The following ANKS1A variants were observed in gnomAD, a reference collection of about 807,000 sequenced individuals.
The protein encoded by ANKS1A is ankyrin repeat and sterile alpha motif domain containing 1A, also known as ankyrin repeat and SAM domain-containing protein 1A.
Under a neutral mutation model 120.3 loss-of-function variants are expected in ANKS1A, and 55 were observed. That is an observed-to-expected ratio of 0.46 (90% confidence interval 0.37 to 0.57). ANKS1A has a LOEUF of 0.57. ANKS1A is among the 20% of genes least tolerant of loss of function. The probability of loss-of-function intolerance (pLI) is 0.00; values close to 1 mark genes in which losing one functional copy is unlikely to be tolerated. For synonymous variants in ANKS1A, 590 were observed against 604.7 expected, an observed-to-expected ratio of 0.98 and a Z score of 0.36; for missense variants, 1,123 against 1,480.3, an observed-to-expected ratio of 0.76 and a Z score of 3.96.
chr6:35,093,567 A>G (rs753313709), downstream of ANKS1A, among the ~76,000 whole-genome samples: 8 of 152,224 alleles, frequency 5.3e-5, no homozygotes, highest in Non-Finnish European at 7.3e-5. Context: ...AACAATGGAA[A>G]ACTAACATGT....
At chr6:34,894,738 G>A (rs1039575806) in intron 1 of ANKS1A, among the ~76,000 whole-genome samples, 1 of 152,146 alleles carries the variant, frequency 6.6e-6, no homozygotes, top group Non-Finnish European at 1.5e-5. Context: ...ACTAAATACT[G>A]ATGTATATGA....
intron 3 of ANKS1A, among the ~76,000 whole-genome samples, chr6:34,978,532 G>A (rs190498825): frequency 2.7e-4 from 41 of 152,228 alleles, no homozygotes; most frequent in African/African-American, 8.7e-4. Context: ...CCTGCGAGGC[G>A]CGGTAGCTCA....
At chr6:35,079,147 C>T (rs1777523766) in intron 14 of ANKS1A, among the ~76,000 whole-genome samples, 1 of 152,206 alleles carries the variant, frequency 6.6e-6, no homozygotes, top group Non-Finnish European at 1.5e-5. Flanking sequence ...GTCCCTTCTA[C>T]CTGTCCAGAG....
At chr6:35,032,894 A>G (rs1774980206) in intron 11 of ANKS1A, among the ~76,000 whole-genome samples, 1 of 152,222 alleles carries the variant, frequency 6.6e-6, no homozygotes, top group Non-Finnish European at 1.5e-5. Context: ...TTTCTCACTT[A>G]ATAAATTAAT....
intron 2 of ANKS1A, among the ~76,000 whole-genome samples, chr6:34,969,797 G>GA (rs1771088517): frequency 2.0e-5 from 3 of 152,196 alleles, no homozygotes; most frequent in Non-Finnish European, 4.4e-5. Flanking sequence ...TGATGAGTCA[G>GA]CATAGCATGG....
intron 1 of ANKS1A, among the ~76,000 whole-genome samples, chr6:34,938,588 T>C (rs1243937249): frequency 6.6e-6 from 1 of 152,266 alleles, no homozygotes; most frequent in Non-Finnish European, 1.5e-5. Flanking sequence ...CTTTTACTTT[T>C]TACTTAAGTT....
intron 11 of ANKS1A, chr6:35,023,703 C>A: frequency 2.8e-6 from 1 of 351,682 alleles, no homozygotes; most frequent in Non-Finnish European, 5.7e-6. Context: ...AGAGATTCGA[C>A]CAATTAGCGT....
At chr6:34,984,847 A>G (rs1224198918) in intron 7 of ANKS1A, among the ~76,000 whole-genome samples, 1 of 152,222 alleles carries the variant, frequency 6.6e-6, no homozygotes, top group Non-Finnish European at 1.5e-5. Context: ...GGTATCTCTT[A>G]TAGATGTCAA....
rs1176065143 is a variant in ANKS1A at position 35,060,041 on chromosome 6, G to T, written c.2078-106G>T. On this transcript the variant is annotated intron_variant, in intron 12 of 23. Coordinates refer to ENST00000360359, the MANE Select transcript of ANKS1A (RefSeq NM_015245.3). The surrounding 1 kb of genome is among the most constrained non-coding windows in gnomAD (Gnocchi z 4.5). ...TTGTATATAGTTTGGCTGTTTGATG[G>T]TAATGACTATGATGTGGCAATGCCA... is the stretch of plus-strand genomic sequence containing the variant. 2 of 864,620 alleles carry T rather than the reference G, an allele frequency of 2.3e-6. No homozygotes were observed. Among genetic ancestry groups the T allele is most frequent in the East Asian group, 2.7e-5 (1 of 36,596 alleles). 53.6% of individuals were successfully genotyped at this position (864,620 alleles called of 1,614,324 possible).
chr6:35,080,486 C>T (rs1415382683), intron 16 of ANKS1A, among the ~76,000 whole-genome samples: 2 of 152,250 alleles, frequency 1.3e-5, no homozygotes, highest in Non-Finnish European at 2.9e-5. Flanking sequence ...CTCGGGTGCA[C>T]TGGGCCTGCC....
intron 1 of ANKS1A, among the ~76,000 whole-genome samples, chr6:34,912,101 A>G (rs888228976): frequency 6.6e-6 from 1 of 152,256 alleles, no homozygotes; most frequent in Non-Finnish European, 1.5e-5. Flanking sequence ...GTTCAGTGTC[A>G]GGATGAAATC....
At chr6:35,073,730 T>C (rs764615853) in intron 13 of ANKS1A, among the ~76,000 whole-genome samples, 1 of 152,232 alleles carries the variant, frequency 6.6e-6, no homozygotes, top group Non-Finnish European at 1.5e-5. Flanking sequence ...ACTCAGTAAA[T>C]GTTAGCATGG....
chr6:35,085,961 TC>T lies in ANKS1A; in HGVS notation c.3303+30del. ...AGTACGTGGGCCCCACTGGCCAAGATCCCCCTCTCCCTGGCCCCAGGGATTC... is the reference window on the plus strand; with the variant it reads ...AGTACGTGGGCCCCACTGGCCAAGATCCCCTCTCCCTGGCCCCAGGGATTC... On this transcript the variant is annotated intron_variant, in intron 22 of 23. Transcript: ENST00000360359. This position sits in a 1 kb window ranked among gnomAD's most constrained non-coding sequence, Gnocchi z 4.7. 6.4e-7 allele frequency: 1 copy of T among 1,570,682 alleles called. No individual in the cohort carries two copies. Among genetic ancestry groups the T allele is most frequent in the African/African-American group, 1.3e-5 (1 of 74,102 alleles).
In ANKS1A at chr6:34,901,699, C is replaced by T. The variant is rs568943316; in HGVS notation, c.197+12100C>T. On this transcript the variant is annotated intron_variant, in intron 1 of 23. Coordinates refer to ENST00000360359, the MANE Select transcript of ANKS1A (RefSeq NM_015245.3). The stretch of plus-strand genomic sequence containing the variant: ...TTAATTTTTGTATTTTTTGTAGAGA[C>T]GGAGTCTTGCCATGTTTCCCAGGCT... 7.9e-5 allele frequency among the ~76,000 whole-genome samples: 12 copies of T among 152,216 alleles called. No homozygotes were observed. In the South Asian group the frequency reaches 8.3e-4, roughly 11 times the overall value.
chr6:34,942,263 T>C (rs1769573623), intron 1 of ANKS1A, among the ~76,000 whole-genome samples: 1 of 152,226 alleles, frequency 6.6e-6, no homozygotes, highest in Non-Finnish European at 1.5e-5. Flanking sequence ...TTTTCTCTAC[T>C]TTACCAACTC....
intron 11 of ANKS1A, among the ~76,000 whole-genome samples, chr6:35,031,016 G>A (rs1269958216): frequency 6.6e-6 from 1 of 152,160 alleles, no homozygotes; most frequent in Non-Finnish European, 1.5e-5. Context: ...TCATCAAGGG[G>A]TTTGATGCGC....
At chr6:34,980,464 A>G (rs1771848670) in intron 3 of ANKS1A, among the ~76,000 whole-genome samples, 2 of 152,246 alleles carry the variant, frequency 1.3e-5, no homozygotes, top group South Asian at 4.1e-4. Flanking sequence ...ATGCCAGATC[A>G]AAAGCAGATG....
intron 1 of ANKS1A, among the ~76,000 whole-genome samples, chr6:34,933,424 G>A (rs762233209): frequency 6.6e-6 from 1 of 152,214 alleles, no homozygotes; most frequent in African/African-American, 2.4e-5. Context: ...AGGCTGGAGT[G>A]CAATGGCGCG....
chr6:35,036,249 G>A (rs1193255712), intron 11 of ANKS1A, among the ~76,000 whole-genome samples: 3 of 152,202 alleles, frequency 2.0e-5, no homozygotes, highest in Admixed American at 6.5e-5. Context: ...GGCTTCACCT[G>A]CCCTGTCACA....
Sources: allele counts gnomAD v4.1 joint callset (sites outside exome capture counted in the v4.1 genomes callset), GRCh38; gene constraint gnomAD v4.1.1; non-coding constraint Gnocchi (gnomAD v3.1); transcripts MANE v1.5; gene names NCBI Gene and HGNC (gene_info 2026-07-23, HGNC 2026-07-21).